Variants in SEMA4D observed in about 807,000 individuals in gnomAD.
SEMA4D encodes semaphorin-4D.
Under a neutral mutation model 74.8 loss-of-function variants are expected in SEMA4D, and 22 were observed. The observed-to-expected ratio is 0.29, with a 90% confidence interval of 0.21 to 0.42. The LOEUF (loss-of-function observed/expected upper bound fraction) is 0.42. Ranked by LOEUF, SEMA4D falls within the 10% of genes least tolerant of loss-of-function variation. SEMA4D has a pLI of 1.00. For missense variants in SEMA4D, 937 were observed against 1,118.4 expected, an observed-to-expected ratio of 0.84 and a Z score of 2.31; for synonymous variants, 445 against 463.7, an observed-to-expected ratio of 0.96 and a Z score of 0.52.
intron 2 of SEMA4D, among the ~76,000 whole-genome samples, chr9:89,455,218 C>T (rs2135523918): frequency 6.6e-6 from 1 of 152,378 alleles, no homozygotes; most frequent in Non-Finnish European, 1.5e-5. Flanking sequence ...GCCCGTGTGG[C>T]CTGATGCTCT....
intron 2 of SEMA4D, among the ~76,000 whole-genome samples, chr9:89,450,976 G>A (rs1205275690): frequency 6.6e-6 from 1 of 152,076 alleles, no homozygotes; most frequent in Non-Finnish European, 1.5e-5. Context: ...GACTTTAATT[G>A]AACAAAAGAA....
downstream of SEMA4D, among the ~76,000 whole-genome samples, chr9:89,375,302 T>C (rs1027965000): frequency 1.3e-5 from 2 of 152,154 alleles, no homozygotes; most frequent in South Asian, 2.1e-4. Flanking sequence ...AGGAGCACCA[T>C]TCAGCTGTGA....
intron 2 of SEMA4D, among the ~76,000 whole-genome samples, chr9:89,431,690 G>A (rs1030880942): frequency 6.6e-6 from 1 of 152,000 alleles, no homozygotes; most frequent in Admixed American, 6.5e-5. Flanking sequence ...TAGAGATGGG[G>A]TCTTGCTATG....
rs955832480 is a variant in SEMA4D at position 89,492,129 on chromosome 9, C to G, written c.-310+5790G>C. Reference sequence around the variant, plus strand: ...GAAAAAGCAATAGGGTCCTGCTGTCCCAAATTCCCCTCCTTCCTTCTCTCA... The same window carrying G: ...GAAAAAGCAATAGGGTCCTGCTGTCGCAAATTCCCCTCCTTCCTTCTCTCA... On this transcript the variant is annotated intron_variant, in intron 1 of 15. Coordinates refer to ENST00000422704, the MANE Select transcript of SEMA4D (RefSeq NM_001371194.2). This position sits in a 1 kb window ranked among gnomAD's most constrained non-coding sequence, Gnocchi z 4.3. Among the ~76,000 whole-genome samples, 3 of 152,142 alleles carry G rather than the reference C, an allele frequency of 2.0e-5. No homozygotes were observed. Among genetic ancestry groups the G allele is most frequent in the African/African-American group, 7.2e-5 (3 of 41,416 alleles).
chr9:89,441,280 G>A (rs1338405726), intron 2 of SEMA4D, among the ~76,000 whole-genome samples: 1 of 152,244 alleles, frequency 6.6e-6, no homozygotes, highest in Non-Finnish European at 1.5e-5. Context: ...TCGGCCGGGC[G>A]GCACTGTTCC....
intron 2 of SEMA4D, among the ~76,000 whole-genome samples, chr9:89,412,431 C>T (rs60036722): frequency 3.6e-4 from 55 of 152,334 alleles, no homozygotes; most frequent in African/African-American, 1.1e-3. Context: ...TAAATGGTTA[C>T]GAAGGACTGT....
chr9:89,382,850 A>G (rs928386169), intron 13 of SEMA4D, among the ~76,000 whole-genome samples: 2 of 151,074 alleles, frequency 1.3e-5, no homozygotes, highest in African/African-American at 4.9e-5. Flanking sequence ...GGCCCGCCTG[A>G]CTCCTCACCC....
intron 2 of SEMA4D, among the ~76,000 whole-genome samples, chr9:89,449,277 G>T (rs144013580): frequency 1.2e-4 from 18 of 152,208 alleles, no homozygotes; most frequent in African/African-American, 3.4e-4. Context: ...AGCCTGATAC[G>T]GTTGTTACAA....
chr9:89,489,355 G>A (rs1030453787), intron 1 of SEMA4D, among the ~76,000 whole-genome samples: 1 of 152,106 alleles, frequency 6.6e-6, no homozygotes, highest in African/African-American at 2.4e-5. Flanking sequence ...CTTTTATTGT[G>A]GTAAAATACT....
At chr9:89,468,727 C>T (rs1296033463) in intron 1 of SEMA4D, among the ~76,000 whole-genome samples, 5 of 152,272 alleles carry the variant, frequency 3.3e-5, no homozygotes, top group African/African-American at 9.6e-5. Flanking sequence ...TTTCTTCTCA[C>T]TCTGGTATAA....
chr9:89,379,608 C>G lies in SEMA4D; in HGVS notation c.1685G>C (p.Arg562Pro). The change falls in exon 16 of 16, where the codon CGG (arginine) becomes CCG (proline). Residue 562 changes from arginine (R) to proline (P), a missense_variant. Transcript: ENST00000422704. ...VCPDKSKGSY[R>P]QHFFKHGGTA... Reference sequence around the variant, plus strand: ...GCCACCGTGCTTGAAAAAATGCTGCCGGTAACTTCCTTTACTTTTATCTGG... The same window carrying G: ...GCCACCGTGCTTGAAAAAATGCTGCGGGTAACTTCCTTTACTTTTATCTGG... 1 of 1,610,310 alleles carries G rather than the reference C, an allele frequency of 6.2e-7. No individual in the cohort carries two copies. The highest frequency in any genetic ancestry group is 8.5e-7 in the Non-Finnish European group (1 of 1,177,220).
At chr9:89,370,931 T>TTGTGTGTCTGGGGTATGG (rs1564496147) in intron 16 of SEMA4D, among the ~76,000 whole-genome samples, 9 of 126,146 alleles carry the variant, frequency 7.1e-5, no homozygotes, top group Non-Finnish European at 1.3e-4. Flanking sequence ...TGGGGGGGTG[T>TTGTGTGTCTGGGGTATGG]TGTGTGTCTG....
chr9:89,433,262 A>C (rs542879195), intron 2 of SEMA4D, among the ~76,000 whole-genome samples: 1 of 152,150 alleles, frequency 6.6e-6, no homozygotes, highest in African/African-American at 2.4e-5. Flanking sequence ...CATGAGTGCA[A>C]CTGCAGAGAC....
At chr9:89,422,684 C>T (rs762559115) in intron 2 of SEMA4D, among the ~76,000 whole-genome samples, 20 of 152,224 alleles carry the variant, frequency 1.3e-4, no homozygotes, top group Non-Finnish European at 2.6e-4. Flanking sequence ...TTCCAACTCT[C>T]CACTTACAAT....
At chr9:89,426,707 T>G (rs1848200318) in intron 2 of SEMA4D, among the ~76,000 whole-genome samples, 1 of 152,122 alleles carries the variant, frequency 6.6e-6, no homozygotes, top group South Asian at 2.1e-4. Flanking sequence ...CCAAAGCCCC[T>G]CAGAGGCCAC....
At chr9:89,473,523 G>A (rs1860964998) in intron 1 of SEMA4D, among the ~76,000 whole-genome samples, 1 of 152,006 alleles carries the variant, frequency 6.6e-6, no homozygotes, top group South Asian at 2.1e-4. Context: ...GAAGTTCAAG[G>A]TTGCAGGGAA....
chr9:89,380,340 G>C (rs1836746371), intron 15 of SEMA4D, among the ~76,000 whole-genome samples: 1 of 151,236 alleles, frequency 6.6e-6, no homozygotes, highest in South Asian at 2.1e-4. Context: ...GCCAGCTTTT[G>C]TTTTCTTTTT....
At chr9:89,437,914 A>T (rs1850810358) in intron 2 of SEMA4D, among the ~76,000 whole-genome samples, 1 of 152,252 alleles carries the variant, frequency 6.6e-6, no homozygotes, top group Non-Finnish European at 1.5e-5. Flanking sequence ...CTCAGTCCCA[A>T]GGATGAGCCA....
chr9:89,379,439 G>A lies in SEMA4D; in HGVS notation c.1854C>T (p.Asp618=). 6.2e-7 allele frequency: 1 copy of A among 1,614,178 alleles called. No homozygotes were observed. Among genetic ancestry groups the A allele is most frequent in the Non-Finnish European group, 8.5e-7 (1 of 1,180,026 alleles). ...CTGACAGGCACTGGTACACCCCACT[G>A]TCTCCTTCTGACAAGTTGAAGATGA... ...NLLIFNLSEG[D]SGVYQCLSEE... Residue 618 remains aspartate, a synonymous_variant, in exon 16 of 16, where the codon GAC becomes GAT. Transcript: ENST00000422704.
Sources: allele counts gnomAD v4.1 joint callset (sites outside exome capture counted in the v4.1 genomes callset), GRCh38; gene constraint gnomAD v4.1.1; non-coding constraint Gnocchi (gnomAD v3.1); transcripts MANE v1.5; gene names NCBI Gene and HGNC (gene_info 2026-07-23, HGNC 2026-07-21).